ZNF177: variants seen among roughly 807,000 people sequenced by gnomAD.
ZNF177 encodes the protein zinc finger protein 177.
ZNF177 carries 17 observed loss-of-function variants against 19.4 expected under a neutral mutation model. The ratio of observed to expected loss-of-function variants is 0.87; its 90% CI spans 0.60 to 1.31. The LOEUF (loss-of-function observed/expected upper bound fraction) is 1.31, where lower values mean the gene tolerates loss of function less well. ZNF177 is among the 40% of genes most tolerant of loss of function. ZNF177 has a pLI of 0.00. For missense variants in ZNF177, 633 were observed against 561.8 expected, an observed-to-expected ratio of 1.13 and a Z score of -1.28; for synonymous variants, 220 against 188.7, an observed-to-expected ratio of 1.17 and a Z score of -1.36.
intron 2 of ZNF177, among the ~76,000 whole-genome samples, chr19:9,368,409 A>G (rs1329837865): frequency 2.0e-5 from 3 of 152,144 alleles, no homozygotes; most frequent in Admixed American, 6.5e-5. Context: ...GAATTTGATT[A>G]AAGTTATTCA....
upstream of ZNF177, among the ~76,000 whole-genome samples, chr19:9,374,257 TCC>T (rs1292215778): frequency 6.6e-6 from 1 of 152,180 alleles, no homozygotes; most frequent in Non-Finnish European, 1.5e-5. Context: ...TACATTTGTC[TCC>T]GTTTTTATGC....
chr19:9,378,531 T>C, intron 2 of ZNF177, 187 bp downstream of exon 4: 1 of 923,160 alleles, frequency 1.1e-6, no homozygotes, highest in South Asian at 1.8e-5. Context: ...GTTAACTTTC[T>C]CCAGATATTC....
At chr19:9,381,949 G>A (rs989530658) in exon 6 of ZNF177, 5 of 999,802 alleles carry the variant, frequency 5.0e-6, no homozygotes, top group African/African-American at 3.3e-5. Context: ...GTTTTTATCA[G>A]TGAGTATTTC....
chr19:9,377,185 A>C (rs1214892618), intron 1 of ZNF177, among the ~76,000 whole-genome samples: 2 of 152,184 alleles, frequency 1.3e-5, no homozygotes, highest in East Asian at 3.8e-4. Context: ...AACATTGTAA[A>C]GCACATTACT....
At chr19:9,381,106 AATG>A in exon 6 of ZNF177, 1 of 1,613,434 alleles carries the variant, frequency 6.2e-7, no homozygotes, top group Non-Finnish European at 8.5e-7. Flanking sequence ...TTTGGAATGT[AATG>A]AACATGAGAA....
chr19:9,367,543 T>C (rs1225373828), intron 2 of ZNF177, among the ~76,000 whole-genome samples: 1 of 152,236 alleles, frequency 6.6e-6, no homozygotes, highest in East Asian at 1.9e-4. Flanking sequence ...TCTGTTGTAC[T>C]ATATTTCCTA....
upstream of ZNF177, among the ~76,000 whole-genome samples, chr19:9,372,193 G>A (rs1381696980): frequency 6.6e-6 from 1 of 152,274 alleles, no homozygotes; most frequent in East Asian, 1.9e-4. Context: ...TGGGGACAAT[G>A]CCACTTAGGA....
Position 9,380,044 on chromosome 19 carries a change from TGTGCTATTTCA to T in ZNF177, c.254-11_254-1del. Reference sequence around the variant, plus strand: ...TTCTCCCAATAATTATAAAAATTCCTGTGCTATTTCAGACTGGGAAACTCAACTTAAACCAA... The same window carrying T: ...TTCTCCCAATAATTATAAAAATTCCTGACTGGGAAACTCAACTTAAACCAA... On this transcript the variant is annotated splice_acceptor_variant and splice_polypyrimidine_tract_variant and intron_variant, in intron 4 of 5. Transcript: ENST00000589262. LOFTEE classifies it high-confidence loss of function. 6.2e-7 allele frequency: 1 copy of T among 1,604,966 alleles called. No homozygotes were observed. Among genetic ancestry groups the T allele is most frequent in the South Asian group, 1.1e-5 (1 of 88,550 alleles).
At position 9,381,189 on chromosome 19, in the gene ZNF177, C is replaced by T. The variant is rs767331738; in HGVS notation, c.858C>T (p.Cys286=). 11 of 1,614,180 alleles carry T rather than the reference C, an allele frequency of 6.8e-6. No individual in the cohort carries two copies. The South Asian group carries it at 9.9e-5, about 15-fold the overall frequency. The change falls in exon 6 of 6, where the codon TGC becomes TGT. Residue 286 remains cysteine, a synonymous_variant. Coordinates refer to ENST00000589262, the Ensembl canonical transcript of ZNF177. The stretch of plus-strand genomic sequence containing the variant: ...ACTCTGGAGAGATGCCCTATGAATG[C>T]AGTGACTGTGGGAAAGCCTTCATTT...
intron 1 of ZNF177, among the ~76,000 whole-genome samples, chr19:9,376,752 A>T (rs937221653): frequency 2.6e-5 from 4 of 152,182 alleles, no homozygotes; most frequent in African/African-American, 7.2e-5. Context: ...ACAAATTATT[A>T]TAACTTTTTA....
At chr19:9,377,954 C>G (rs2068135346) in intron 1 of ZNF177, among the ~76,000 whole-genome samples, 2 of 152,174 alleles carry the variant, frequency 1.3e-5, no homozygotes, top group South Asian at 4.1e-4. Context: ...TCCAGTGAGT[C>G]CTGGTTTCTG....
exon 6 of ZNF177, chr19:9,381,083 G>A: frequency 6.2e-7 from 1 of 1,611,186 alleles, no homozygotes; most frequent in Non-Finnish European, 8.5e-7. Flanking sequence ...AAAACTGGTA[G>A]TGTGGAGGAG....
At chr19:9,363,014 T>A (rs955190039), upstream of ZNF177, 1 of 152,294 alleles carries the variant, frequency 6.6e-6, no homozygotes. Flanking sequence ...TGGGCGTCCG[T>A]CGCCTCGCCA....
chr19:9,371,886 T>G (rs1404028872), upstream of ZNF177: 1 of 152,202 alleles, frequency 6.6e-6, no homozygotes, highest in South Asian at 2.1e-4. Context: ...CTAAAAATTG[T>G]TTTTTAAACT....
intron 1 of ZNF177, 176 bp downstream of exon 1, chr19:9,363,260 C>T (rs1430837861): frequency 2.0e-5 from 3 of 152,308 alleles, no homozygotes; most frequent in African/African-American, 7.2e-5. Context: ...GGGCTTGGGG[C>T]TGCCATTCCG....
chr19:9,379,609 T>G (rs779243828), exon 4 of ZNF177: 3 of 1,613,702 alleles, frequency 1.9e-6, no homozygotes, highest in Middle Eastern at 3.3e-4. Flanking sequence ...TTTTACAAGG[T>G]GACTGTGCAG....
exon 6 of ZNF177, chr19:9,381,646 C>T: frequency 6.2e-7 from 1 of 1,614,152 alleles, no homozygotes; most frequent in Non-Finnish European, 8.5e-7. Context: ...TTCCTCTTGC[C>T]TGAGGGTACA....
intron 3 of ZNF177, chr19:9,379,313 G>C: frequency 9.3e-7 from 1 of 1,070,894 alleles, no homozygotes; most frequent in South Asian, 1.8e-5. Flanking sequence ...CTCATCTTGT[G>C]TATAGGTTTC....
upstream of ZNF177, among the ~76,000 whole-genome samples, chr19:9,375,952 G>T (rs1277622708): frequency 6.6e-6 from 1 of 152,138 alleles, no homozygotes; most frequent in Non-Finnish European, 1.5e-5. Context: ...GCTGGTATAA[G>T]ATCTTTCCTA....
Sources: gnomAD v4.1 joint callset for allele counts (sites outside exome capture counted in the v4.1 genomes callset) on GRCh38, gnomAD v4.1.1 for gene constraint, MANE v1.5 for transcripts, NCBI Gene and HGNC (gene_info 2026-07-23, HGNC 2026-07-21) for gene names.